DNAI7: variants seen among roughly 807,000 people sequenced by gnomAD.
DNAI7 encodes the protein cancer susceptibility 1.
DNAI7 carries 78 observed loss-of-function variants against 86.6 expected under a neutral mutation model. The observed-to-expected ratio is 0.90, with a 90% confidence interval of 0.75 to 1.09. The LOEUF (loss-of-function observed/expected upper bound fraction) is 1.09. DNAI7 is among the 50% of genes least tolerant of loss of function. The pLI is 0.00. For missense variants in DNAI7, 753 were observed against 810.2 expected (o/e 0.93, Z 0.86); for synonymous variants, 274 against 273.0 (o/e 1.00, Z -0.04).
At chr12:25,152,011 G>A (rs912596897) in intron 6 of DNAI7, among the ~76,000 whole-genome samples, 1 of 152,202 alleles carries the variant, frequency 6.6e-6, no homozygotes, top group African/African-American at 2.4e-5. Flanking sequence ...AATAAGAGTA[G>A]TGAATTCCTT....
intron 2 of DNAI7, among the ~76,000 whole-genome samples, chr12:25,161,443 A>G (rs1592529560): frequency 1.3e-5 from 2 of 152,236 alleles, no homozygotes; most frequent in South Asian, 4.1e-4. Flanking sequence ...TGGCAAGTAC[A>G]TGCAATTTAA....
intron 1 of DNAI7, 37 bp from the exon 2 acceptor site, chr12:25,190,668 A>C (rs1950437989): frequency 2.4e-6 from 3 of 1,261,572 alleles, no homozygotes; most frequent in Non-Finnish European, 3.3e-6. Context: ...ATCAATTTTA[A>C]AGACAATTCT....
At position 25,108,741 on chromosome 12, in the gene DNAI7, A is replaced by C; in HGVS notation, c.1976T>G (p.Leu659Arg). ...TGCCTCACTCTCTTCCTTGATCTTC[A>C]GTCTTTGTGCTCTGTCACCACTAAA... ...LMFSGDRAQR[L>R]KIKEESEAFS... Residue 659 changes from leucine to arginine, a missense_variant, in exon 16 of 16, where the codon CTG becomes CGG. Physicochemically the swap from Leu to Arg is moderately radical, Grantham distance 102. Transcript: ENST00000395987. The C allele has an allele frequency of 6.2e-7, 1 of 1,607,012 alleles. No individual in the cohort carries two copies. The highest frequency in any genetic ancestry group is 8.5e-7 in the Non-Finnish European group (1 of 1,177,400).
intron 2 of DNAI7, among the ~76,000 whole-genome samples, chr12:25,178,606 C>T (rs1329847901): frequency 2.0e-5 from 3 of 152,038 alleles, no homozygotes. Context: ...AATCCTTGCA[C>T]TTACAATTCA....
At chr12:25,180,809 T>C (rs747005634) in intron 2 of DNAI7, among the ~76,000 whole-genome samples, 4 of 152,138 alleles carry the variant, frequency 2.6e-5, no homozygotes, top group Non-Finnish European at 4.4e-5. Context: ...GACTTAAATA[T>C]AAGACCTCAA....
chr12:25,120,413 C>A (rs538170076), intron 11 of DNAI7, among the ~76,000 whole-genome samples: 1 of 151,162 alleles, frequency 6.6e-6, no homozygotes, highest in African/African-American at 2.4e-5. Context: ...CAAGCCACCA[C>A]GAGGTTAAGT....
At chr12:25,171,149 G>A (rs1369071903) in intron 2 of DNAI7, among the ~76,000 whole-genome samples, 1 of 151,888 alleles carries the variant, frequency 6.6e-6, no homozygotes, top group African/African-American at 2.4e-5. Flanking sequence ...AAATGAAATT[G>A]AATCAAAAAA....
At chr12:25,137,928 G>GATAGATGAGAGTC (rs1284973717) in intron 9 of DNAI7, among the ~76,000 whole-genome samples, 3 of 151,542 alleles carry the variant, frequency 2.0e-5, no homozygotes, top group Non-Finnish European at 4.4e-5. Context: ...GAGATAGATG[G>GATAGATGAGAGTC]CAACACAATA....
chr12:25,173,551 T>C (rs2141173540), intron 2 of DNAI7, among the ~76,000 whole-genome samples: 1 of 152,160 alleles, frequency 6.6e-6, no homozygotes, highest in East Asian at 1.9e-4. Flanking sequence ...AGAGATTCCT[T>C]AAATAAATAA....
intron 1 of DNAI7, among the ~76,000 whole-genome samples, chr12:25,191,350 G>A (rs977185056): frequency 1.3e-5 from 2 of 151,670 alleles, no homozygotes; most frequent in Admixed American, 6.6e-5. Flanking sequence ...AGGCTGCAGC[G>A]AGCCATGACA....
intron 2 of DNAI7, among the ~76,000 whole-genome samples, chr12:25,161,764 G>A (rs1173593072): frequency 6.6e-6 from 1 of 152,184 alleles, no homozygotes. Flanking sequence ...CAAGATAGGG[G>A]ATTGAAAGAG....
intron 6 of DNAI7, among the ~76,000 whole-genome samples, chr12:25,152,193 C>T (rs751827012): frequency 3.3e-5 from 5 of 152,188 alleles, no homozygotes; most frequent in Non-Finnish European, 7.3e-5. Flanking sequence ...TTATAATAAG[C>T]CCTTTTCAAC....
chr12:25,177,621 A>G lies in DNAI7; in HGVS notation c.21+12993T>C, dbSNP rs114273960. On this transcript the variant is annotated intron_variant, in intron 2 of 15. Transcript: ENST00000395987. The stretch of plus-strand genomic sequence containing the variant: ...TTAATGCTGCTATAAACCTTTGAAT[A>G]TATCTATCCTGGTGTCCGTCTGCAA... 4.2e-3 allele frequency among the ~76,000 whole-genome samples: 642 copies of G among 152,270 alleles called. 4 individuals carry two copies. The highest frequency in any genetic ancestry group is 0.015 in the African/African-American group (609 of 41,544).
At chr12:25,107,171 G>T, downstream of DNAI7, 1 of 456,746 alleles carries the variant, frequency 2.2e-6, no homozygotes, top group Non-Finnish European at 3.9e-6. Flanking sequence ...TATTTAAGAT[G>T]AATAACAAAC....
In DNAI7 at chr12:25,111,847, A is replaced by T; in HGVS notation, c.1704T>A (p.Ile568=). The T allele has an allele frequency of 6.2e-7, 1 of 1,603,614 alleles. No individual in the cohort carries two copies. Among genetic ancestry groups the T allele is most frequent in the Admixed American group, 1.7e-5 (1 of 58,924 alleles). ...EGTWMTPIPF[I]IALKEAGLNI... ...TCAGTCCAGCTTCTTTCAAAGCAAT[A>T]ATGAAAGGAATAGGAGTCATCCAGG... Residue 568 remains isoleucine, a synonymous_variant, in exon 14 of 16, where the codon ATT becomes ATA. Transcript: ENST00000395987.
intron 2 of DNAI7, among the ~76,000 whole-genome samples, chr12:25,173,256 A>C (rs894990941): frequency 6.6e-6 from 1 of 152,108 alleles, no homozygotes. Flanking sequence ...CAGTAAGAAA[A>C]AAACAAACAA....
chr12:25,178,297 T>A (rs1949156009), intron 2 of DNAI7, among the ~76,000 whole-genome samples: 1 of 152,180 alleles, frequency 6.6e-6, no homozygotes, highest in South Asian at 2.1e-4. Flanking sequence ...ATAGGACTAT[T>A]CAGGTTTTCT....
At chr12:25,187,665 A>G (rs1193926115) in intron 2 of DNAI7, among the ~76,000 whole-genome samples, 3 of 152,198 alleles carry the variant, frequency 2.0e-5, no homozygotes, top group Non-Finnish European at 4.4e-5. Context: ...ATCATGTAGC[A>G]TACTTTCAAT....
chr12:25,192,833 C>CA (rs34334672), intron 1 of DNAI7: 28,508 of 81,418 alleles, frequency 0.35, 5,426 homozygotes, highest in East Asian at 0.59. Flanking sequence ...AACTCTGCCT[C>CA]AAAAAAAAAA....
Sources: allele counts gnomAD v4.1 joint callset (sites outside exome capture counted in the v4.1 genomes callset), GRCh38; gene constraint gnomAD v4.1.1; transcripts MANE v1.5; gene names NCBI Gene and HGNC (gene_info 2026-07-23, HGNC 2026-07-21).